Variants in GPM6A observed in about 807,000 individuals in gnomAD.
GPM6A encodes neuronal membrane glycoprotein M6-a.
A neutral mutation model predicts 32.1 loss-of-function variants in GPM6A; 7 were observed. That is an observed-to-expected ratio of 0.22 (90% CI 0.12 to 0.41). The LOEUF is 0.41. Ranked by LOEUF, GPM6A falls within the 10% of genes least tolerant of loss-of-function variation. The probability of loss-of-function intolerance (pLI) is 1.00; values close to 1 mark genes in which losing one functional copy is unlikely to be tolerated. For synonymous variants in GPM6A, 130 were observed against 123.4 expected (o/e 1.05, Z -0.35); for missense variants, 235 against 347.2 (o/e 0.68, Z 2.57).
At chr4:175,973,300 G>T (rs183624445) in intron 1 of GPM6A, among the ~76,000 whole-genome samples, 1 of 152,290 alleles carries the variant, frequency 6.6e-6, no homozygotes, top group East Asian at 1.9e-4. Context: ...CATGACCCAA[G>T]AAATTATTTA....
intron 2 of GPM6A, among the ~76,000 whole-genome samples, chr4:175,678,662 A>G (rs1031898969): frequency 2.6e-5 from 4 of 152,146 alleles, no homozygotes; most frequent in Non-Finnish European, 5.9e-5. Context: ...GTCAAAGGCA[A>G]TGAGGCAGAT....
At chr4:175,828,912 G>T in intron 1 of GPM6A, among the ~76,000 whole-genome samples, 1 of 151,962 alleles carries the variant, frequency 6.6e-6, no homozygotes, top group East Asian at 1.9e-4. Context: ...ATTATAAATA[G>T]TGTTAATCTT....
intron 1 of GPM6A, among the ~76,000 whole-genome samples, chr4:175,945,439 A>C (rs949395077): frequency 6.6e-6 from 1 of 152,120 alleles, no homozygotes; most frequent in South Asian, 2.1e-4. Context: ...ATCACTTATA[A>C]GTGGGAACTA....
chr4:175,661,239 T>C (rs1253767503), intron 3 of GPM6A, among the ~76,000 whole-genome samples: 1 of 152,024 alleles, frequency 6.6e-6, no homozygotes, highest in Non-Finnish European at 1.5e-5. Context: ...GGGCATTTAA[T>C]TTCAGATGAA....
At chr4:175,636,256 C>T (rs1418716790) in intron 6 of GPM6A, among the ~76,000 whole-genome samples, 3 of 77,814 alleles carry the variant, frequency 3.9e-5, no homozygotes, top group East Asian at 6.1e-4. Context: ...AAAGCATAAT[C>T]ACTGTATATA....
At chr4:175,684,571 A>T (rs1026671724) in intron 2 of GPM6A, among the ~76,000 whole-genome samples, 13 of 152,228 alleles carry the variant, frequency 8.5e-5, no homozygotes, top group African/African-American at 3.1e-4. Context: ...AAAAGATAAA[A>T]TCTAACTTTA....
At chr4:175,676,333 C>T (rs1743365114) in intron 2 of GPM6A, among the ~76,000 whole-genome samples, 1 of 152,150 alleles carries the variant, frequency 6.6e-6, no homozygotes, top group Admixed American at 6.5e-5. Context: ...AGCCACTACA[C>T]CCAGCCTCCC....
intron 2 of GPM6A, among the ~76,000 whole-genome samples, chr4:175,690,752 A>C (rs1744251394): frequency 6.6e-6 from 1 of 152,176 alleles, no homozygotes; most frequent in Non-Finnish European, 1.5e-5. Flanking sequence ...GGATCTGCTC[A>C]CCTCAGGATT....
intron 1 of GPM6A, among the ~76,000 whole-genome samples, chr4:175,711,689 T>C (rs1490623864): frequency 7.7e-6 from 1 of 129,560 alleles, no homozygotes; most frequent in African/African-American, 2.9e-5. Flanking sequence ...AGGATGGAGT[T>C]GGGCCTGGAG....
At chr4:175,946,920 G>A (rs781651587) in intron 1 of GPM6A, among the ~76,000 whole-genome samples, 12 of 152,046 alleles carry the variant, frequency 7.9e-5, no homozygotes, top group Non-Finnish European at 1.6e-4. Context: ...TTCCTGAGAG[G>A]AAGCCAAAAC....
chr4:175,659,516 G>T (rs1451354649), intron 3 of GPM6A, among the ~76,000 whole-genome samples: 1 of 151,946 alleles, frequency 6.6e-6, no homozygotes, highest in African/African-American at 2.4e-5. Context: ...ATAGTTAAGA[G>T]AAAAATAACA....
chr4:175,685,608 C>G (rs1743936080), intron 2 of GPM6A, among the ~76,000 whole-genome samples: 1 of 152,082 alleles, frequency 6.6e-6, no homozygotes, highest in South Asian at 2.1e-4. Context: ...AGTATCTCAC[C>G]CTGTTACCTG....
At chr4:175,775,612 T>C (rs1733362590) in intron 1 of GPM6A, among the ~76,000 whole-genome samples, 1 of 152,022 alleles carries the variant, frequency 6.6e-6, no homozygotes, top group Non-Finnish European at 1.5e-5. Context: ...AAGGGAAAAA[T>C]GGCAGCTTCC....
intron 1 of GPM6A, among the ~76,000 whole-genome samples, chr4:175,834,238 C>A (rs1012554574): frequency 1.3e-5 from 2 of 152,194 alleles, no homozygotes; most frequent in African/African-American, 4.8e-5. Context: ...CCCTACGCCT[C>A]AATTCTGGCT....
At chr4:175,705,242 G>C (rs570482453) in intron 1 of GPM6A, among the ~76,000 whole-genome samples, 1 of 152,126 alleles carries the variant, frequency 6.6e-6, no homozygotes, top group African/African-American at 2.4e-5. Flanking sequence ...TGAGTGTAAG[G>C]TCTTTTTACT....
intron 1 of GPM6A, among the ~76,000 whole-genome samples, chr4:175,833,612 A>C (rs1015202574): frequency 6.6e-6 from 1 of 152,184 alleles, no homozygotes. Flanking sequence ...CAGTAGAGTA[A>C]TTAAGATATA....
intron 1 of GPM6A, among the ~76,000 whole-genome samples, chr4:175,962,994 G>A (rs541960764): frequency 2.6e-5 from 4 of 151,784 alleles, no homozygotes; most frequent in Non-Finnish European, 5.9e-5. Context: ...TCTAAAGAGT[G>A]CTAGAAATCA....
chr4:175,834,534 C>T (rs1214952833), intron 1 of GPM6A, among the ~76,000 whole-genome samples: 1 of 152,102 alleles, frequency 6.6e-6, no homozygotes, highest in Non-Finnish European at 1.5e-5. Flanking sequence ...GCTGTAAACT[C>T]ACATTGCTTG....
At chr4:175,952,302 G>A (rs1312309516) in intron 1 of GPM6A, among the ~76,000 whole-genome samples, 1 of 152,224 alleles carries the variant, frequency 6.6e-6, no homozygotes, top group Non-Finnish European at 1.5e-5. Context: ...GAAGCTAGGA[G>A]AAGTTCGTTT....
Sources: allele counts gnomAD v4.1 joint callset (sites outside exome capture counted in the v4.1 genomes callset), GRCh38; gene constraint gnomAD v4.1.1; transcripts MANE v1.5; gene names NCBI Gene and HGNC (gene_info 2026-07-23, HGNC 2026-07-21).